PLA2R1: variants seen among roughly 807,000 people sequenced by gnomAD.
The protein encoded by PLA2R1 is phospholipase A2 receptor 1.
Under a neutral mutation model 195.9 loss-of-function variants are expected in PLA2R1, and 158 were observed. The observed-to-expected ratio is 0.81, with a 90% CI of 0.71 to 0.92. The LOEUF (loss-of-function observed/expected upper bound fraction) is 0.92, where lower values mean the gene tolerates loss of function less well. PLA2R1 is among the 40% of genes least tolerant of loss of function. The pLI is 0.00. For synonymous variants in PLA2R1, 586 were observed against 598.2 expected (o/e 0.98, Z 0.30); for missense variants, 1,626 against 1,764.6 (o/e 0.92, Z 1.41).
intron 1 of PLA2R1, among the ~76,000 whole-genome samples, chr2:160,061,276 G>A (rs1321825532): frequency 1.3e-5 from 2 of 152,110 alleles, no homozygotes; most frequent in Non-Finnish European, 2.9e-5. Context: ...TCTGCCTGAG[G>A]TGGCCCATTC....
intron 11 of PLA2R1, among the ~76,000 whole-genome samples, chr2:159,989,090 CA>C (rs1690567803): frequency 6.6e-6 from 1 of 152,154 alleles, no homozygotes; most frequent in South Asian, 2.1e-4. Context: ...CTATCCCTCA[CA>C]TAGAAGAAAA....
intron 9 of PLA2R1, among the ~76,000 whole-genome samples, chr2:160,013,719 C>CTGTG (rs1375348885): frequency 3.2e-3 from 361 of 112,018 alleles, no homozygotes; most frequent in Middle Eastern, 0.013. Flanking sequence ...CTCTCTCTCT[C>CTGTG]TCTGTGTGTG....
intron 11 of PLA2R1, among the ~76,000 whole-genome samples, chr2:160,003,092 C>T (rs917491157): frequency 2.0e-5 from 3 of 151,782 alleles, no homozygotes; most frequent in African/African-American, 4.8e-5. Flanking sequence ...TATGGTATTT[C>T]GAATCAGTAG....
At chr2:160,005,435 AAAACAAAC>A (rs61323503) in intron 11 of PLA2R1, among the ~76,000 whole-genome samples, 8,244 of 151,316 alleles carry the variant, frequency 0.054, 364 homozygotes, top group East Asian at 0.18. Flanking sequence ...ACCTCGTCTC[AAAACAAAC>A]AAACAAACAA....
chr2:160,037,395 C>T (rs1245652398), intron 3 of PLA2R1, among the ~76,000 whole-genome samples: 1 of 152,146 alleles, frequency 6.6e-6, no homozygotes, highest in Non-Finnish European at 1.5e-5. Context: ...TCTTCATTCA[C>T]TGTACTCTTG....
At chr2:159,924,729 TG>T in the PLA2R1 span, among the ~76,000 whole-genome samples, 31,454 of 117,366 alleles carry the variant, frequency 0.27, 4,288 homozygotes, top group Admixed American at 0.41. Flanking sequence ...CTCTGGGGGC[TG>T]GGGGGGGGGC....
chr2:160,051,035 T>C (rs746015561), intron 1 of PLA2R1, among the ~76,000 whole-genome samples: 3 of 152,238 alleles, frequency 2.0e-5, no homozygotes, highest in Non-Finnish European at 2.9e-5. Context: ...ATTTGTACTG[T>C]TAAGCCTTTG....
intron 1 of PLA2R1, among the ~76,000 whole-genome samples, chr2:160,052,170 C>T (rs929759360): frequency 1.3e-5 from 2 of 152,180 alleles, no homozygotes; most frequent in Non-Finnish European, 2.9e-5. Context: ...AATTGCCTCT[C>T]CAAGTTTCAT....
intron 12 of PLA2R1, among the ~76,000 whole-genome samples, chr2:159,985,124 C>T (rs147531543): frequency 5.3e-5 from 8 of 152,288 alleles, no homozygotes; most frequent in African/African-American, 1.9e-4. Context: ...GCATTTATTC[C>T]AACTCTGTCA....
intron 15 of PLA2R1, 111 bp downstream of exon 15, chr2:159,977,173 T>G (rs1450089990): frequency 2.8e-5 from 23 of 824,122 alleles, no homozygotes; most frequent in Non-Finnish European, 4.3e-5. Flanking sequence ...GTAGTGTAAT[T>G]TATTTTATCA....
At chr2:160,014,979 G>GGCT (rs1365982396) in intron 9 of PLA2R1, among the ~76,000 whole-genome samples, 1 of 152,088 alleles carries the variant, frequency 6.6e-6, no homozygotes, top group African/African-American at 2.4e-5. Context: ...TTAGATCATA[G>GGCT]GCTGCTTAGC....
At chr2:159,929,123 A>C (rs1686537098), downstream of PLA2R1, among the ~76,000 whole-genome samples, 1 of 152,240 alleles carries the variant, frequency 6.6e-6, no homozygotes, top group Non-Finnish European at 1.5e-5. Flanking sequence ...ACCCAAAAGC[A>C]AATGCAACAA....
chr2:160,049,467 TC>T (rs1695087273), intron 1 of PLA2R1, among the ~76,000 whole-genome samples: 1 of 152,248 alleles, frequency 6.6e-6, no homozygotes, highest in Non-Finnish European at 1.5e-5. Context: ...AAATATCTGT[TC>T]TTTGAAACTG....
chr2:160,056,967 GT>G (rs1328349490), intron 1 of PLA2R1, among the ~76,000 whole-genome samples: 4 of 152,074 alleles, frequency 2.6e-5, no homozygotes, highest in Non-Finnish European at 5.9e-5. Flanking sequence ...CCCTACTCTG[GT>G]GGTCTATACC....
intron 28 of PLA2R1, 97 bp downstream of exon 28, chr2:159,944,809 C>T: frequency 1.1e-6 from 1 of 883,944 alleles, no homozygotes; most frequent in Non-Finnish European, 1.8e-6. Flanking sequence ...TGAATACTCT[C>T]TCAACTTGGA....
At chr2:160,031,391 A>G (rs1235642209) in intron 4 of PLA2R1, among the ~76,000 whole-genome samples, 1 of 152,100 alleles carries the variant, frequency 6.6e-6, no homozygotes, top group Non-Finnish European at 1.5e-5. Flanking sequence ...ATTTACAGAT[A>G]CGGGCAAATG....
At chr2:160,011,359 C>T (rs1323326036) in intron 10 of PLA2R1, among the ~76,000 whole-genome samples, 2 of 152,170 alleles carry the variant, frequency 1.3e-5, no homozygotes, top group African/African-American at 2.4e-5. Flanking sequence ...ATCTCTTCAG[C>T]TGCTGGGTTT....
Position 159,976,731 on chromosome 2 carries a change from A to C in PLA2R1, c.2402-11T>G. 1.9e-6 allele frequency: 3 copies of C among 1,608,470 alleles called. No homozygotes were observed. The highest frequency in any genetic ancestry group is 2.6e-6 in the Non-Finnish European group (3 of 1,174,992). ...TCTTGGGTTTCACATCTGCAAAGTG[A>C]AAGCAAATCACTTTGACTGATCTTG... On this transcript the variant is annotated splice_polypyrimidine_tract_variant and intron_variant, in intron 15 of 29. Transcript: ENST00000283243.
intron 13 of PLA2R1, among the ~76,000 whole-genome samples, chr2:159,981,397 T>A (rs1166864363): frequency 6.6e-6 from 1 of 152,114 alleles, no homozygotes; most frequent in Non-Finnish European, 1.5e-5. Flanking sequence ...AACTGAAACA[T>A]ACACAGTTAT....
Sources: gnomAD v4.1 joint callset for allele counts (sites outside exome capture counted in the v4.1 genomes callset) on GRCh38, gnomAD v4.1.1 for gene constraint, MANE v1.5 for transcripts, NCBI Gene and HGNC (gene_info 2026-07-23, HGNC 2026-07-21) for gene names.